Variants in PRUNE2 observed in about 807,000 individuals in gnomAD.
The protein encoded by PRUNE2 is prune homolog 2 with BCH domain.
In PRUNE2, 164 loss-of-function variants were observed where a neutral mutation model predicts 252.0. The ratio of observed to expected loss-of-function variants is 0.65; its 90% CI spans 0.57 to 0.74. The LOEUF is 0.74. Among genes scored for constraint, PRUNE2 ranks in the 30% least tolerant of loss-of-function variants. The pLI is 0.00. For missense variants in PRUNE2, 3,495 were observed against 3,711.0 expected (o/e 0.94, Z 1.51); for synonymous variants, 1,292 against 1,350.2 (o/e 0.96, Z 0.94).
intron 1 of PRUNE2, among the ~76,000 whole-genome samples, chr9:76,884,569 C>T (rs2061980233): frequency 6.6e-6 from 1 of 152,168 alleles, no homozygotes; most frequent in Non-Finnish European, 1.5e-5. Flanking sequence ...GTGCACAGTG[C>T]TGCAAGAAAA....
Position 76,703,497 on chromosome 9 carries a change from T to A in PRUNE2, c.8116A>T (p.Arg2706Trp). The change falls in exon 9 of 19, where the codon AGG becomes TGG. Residue 2706 changes from arginine to tryptophan, a missense_variant. Arg to Trp is a moderately radical substitution (Grantham distance 101). Coordinates refer to ENST00000376718, the MANE Select transcript of PRUNE2 (RefSeq NM_015225.3). ...SQSQKSKSRG[R>W]AGPDAVTLQA... is the part of the protein sequence containing the mutation. The stretch of plus-strand genomic sequence containing the variant: ...AACGTAACTGCATCCGGGCCAGCCC[T>A]GCCTCGGCTCTTACTCTTCTGTGAT... 1.2e-6 allele frequency: 2 copies of A among 1,613,924 alleles called. No homozygotes were observed. The highest frequency in any genetic ancestry group is 2.2e-5 in the South Asian group (2 of 91,078).
At chr9:76,719,150 C>T (rs1292174477) in intron 6 of PRUNE2, among the ~76,000 whole-genome samples, 1 of 152,088 alleles carries the variant, frequency 6.6e-6, no homozygotes, top group East Asian at 1.9e-4. Flanking sequence ...CCCCAAGAGG[C>T]AGCTTTTAAA....
intron 6 of PRUNE2, among the ~76,000 whole-genome samples, chr9:76,819,122 C>T (rs2131876181): frequency 6.6e-6 from 1 of 152,180 alleles, no homozygotes; most frequent in African/African-American, 2.4e-5. Flanking sequence ...GTGGTGTGCA[C>T]ACCTGTAGTC....
intron 6 of PRUNE2, among the ~76,000 whole-genome samples, chr9:76,797,038 T>TATGCACACACACACAC (rs1554774312): frequency 2.0e-5 from 3 of 151,640 alleles, no homozygotes; most frequent in African/African-American, 7.3e-5. Flanking sequence ...CACTCACACA[T>TATGCACACACACACAC]ACACACACAC....
intron 6 of PRUNE2, chr9:76,786,966 C>T (rs1287279509): frequency 1.3e-5 from 2 of 152,140 alleles, no homozygotes; most frequent in Non-Finnish European, 2.9e-5. Context: ...TGGAGGGGAC[C>T]ACTCCTGGGC....
chr9:76,724,210 G>A (rs925652462), intron 6 of PRUNE2, among the ~76,000 whole-genome samples: 1 of 146,434 alleles, frequency 6.8e-6, no homozygotes, highest in African/African-American at 2.5e-5. Flanking sequence ...TATAATCGCA[G>A]CACTTTGGGA....
intron 9 of PRUNE2, among the ~76,000 whole-genome samples, chr9:76,694,738 A>G (rs186603862): frequency 6.7e-6 from 1 of 149,378 alleles, no homozygotes; most frequent in African/African-American, 2.4e-5. Flanking sequence ...GCATTATTTT[A>G]TTCATTATAC....
At chr9:76,847,563 A>G (rs2059736202) in intron 3 of PRUNE2, among the ~76,000 whole-genome samples, 1 of 152,228 alleles carries the variant, frequency 6.6e-6, no homozygotes, top group Non-Finnish European at 1.5e-5. Flanking sequence ...TAGACTAGCC[A>G]ATAACCTGGC....
chr9:76,646,876 T>G (rs529211342), intron 11 of PRUNE2, among the ~76,000 whole-genome samples: 3 of 152,302 alleles, frequency 2.0e-5, no homozygotes, highest in Non-Finnish European at 4.4e-5. Flanking sequence ...TCTGCAAATT[T>G]TATTAAAATT....
intron 1 of PRUNE2, among the ~76,000 whole-genome samples, chr9:76,873,544 C>T (rs535009697): frequency 2.6e-5 from 4 of 152,154 alleles, no homozygotes; most frequent in African/African-American, 7.2e-5. Flanking sequence ...ATCTCCCAAA[C>T]GAGGCGCCAG....
chr9:76,702,260 G>C (rs1412564408), intron 9 of PRUNE2, among the ~76,000 whole-genome samples: 1 of 152,052 alleles, frequency 6.6e-6, no homozygotes, highest in African/African-American at 2.4e-5. Context: ...GTTTCACCAT[G>C]TTAGCCAGGG....
intron 6 of PRUNE2, among the ~76,000 whole-genome samples, chr9:76,804,456 A>G (rs2056791709): frequency 1.3e-5 from 2 of 152,182 alleles, no homozygotes; most frequent in African/African-American, 2.4e-5. Context: ...ACTTCTTTCA[A>G]AATGTGTCAT....
intron 1 of PRUNE2, among the ~76,000 whole-genome samples, chr9:76,870,547 G>T (rs181440548): frequency 1.3e-5 from 2 of 152,028 alleles, no homozygotes; most frequent in East Asian, 3.9e-4. Flanking sequence ...TTAGCTGGGC[G>T]TGGTAGCGGG....
intron 16 of PRUNE2, among the ~76,000 whole-genome samples, chr9:76,627,135 C>G (rs1246845577): frequency 6.6e-6 from 1 of 151,738 alleles, no homozygotes; most frequent in Admixed American, 6.6e-5. Flanking sequence ...GCGTCTCACT[C>G]TGTCAACCAG....
chr9:76,809,418 T>A (rs1272792491), intron 6 of PRUNE2, among the ~76,000 whole-genome samples: 1 of 152,142 alleles, frequency 6.6e-6, no homozygotes, highest in Non-Finnish European at 1.5e-5. Flanking sequence ...AAGCCCAGGG[T>A]TGGGCGCAGT....
chr9:76,868,710 A>G (rs1222941062), intron 1 of PRUNE2, among the ~76,000 whole-genome samples: 1 of 152,118 alleles, frequency 6.6e-6, no homozygotes, highest in Non-Finnish European at 1.5e-5. Flanking sequence ...GAAGACTAGT[A>G]TCTTAATAAT....
At chr9:76,823,997 A>T (rs781256601) in intron 5 of PRUNE2, among the ~76,000 whole-genome samples, 53 of 152,166 alleles carry the variant, frequency 3.5e-4, no homozygotes, top group Admixed American at 5.9e-4. Flanking sequence ...GGGCTGGGTG[A>T]GAAAGTGAAT....
Position 76,614,483 on chromosome 9 carries a change from G to A in PRUNE2, c.*87C>T. ...CACCAGGTAGTGCAAAGTGGAAAAA[G>A]GTAACATCAGCCCTGTCTCTTTCAG... is the stretch of plus-strand genomic sequence containing the variant. On this transcript the variant is annotated 3_prime_UTR_variant, in exon 19 of 19. Coordinates refer to ENST00000376718, the MANE Select transcript of PRUNE2 (RefSeq NM_015225.3). 9.0e-7 allele frequency: 1 copy of A among 1,115,238 alleles called. No individual in the cohort carries two copies. The highest frequency in any genetic ancestry group is 1.3e-5 in the South Asian group (1 of 74,618). The allele number at this position is 1,115,238 out of a possible 1,614,324, so 69.1% of individuals were successfully genotyped here.
At chr9:76,814,855 C>T (rs765680137) in intron 6 of PRUNE2, among the ~76,000 whole-genome samples, 20 of 152,312 alleles carry the variant, frequency 1.3e-4, no homozygotes, top group Non-Finnish European at 2.5e-4. Context: ...TAATGAAACA[C>T]TAACTGTACC....
Sources: allele counts gnomAD v4.1 joint callset (sites outside exome capture counted in the v4.1 genomes callset), GRCh38; gene constraint gnomAD v4.1.1; transcripts MANE v1.5; gene names NCBI Gene and HGNC (gene_info 2026-07-23, HGNC 2026-07-21).